Variants in SPARC observed in about 807,000 individuals in gnomAD.
SPARC encodes the protein secreted protein acidic and cysteine rich, also known as basement-membrane protein 40.
Under a neutral mutation model 37.7 loss-of-function variants are expected in SPARC, and 23 were observed. The ratio of observed to expected loss-of-function variants is 0.61; its 90% CI spans 0.44 to 0.87. The LOEUF (loss-of-function observed/expected upper bound fraction) is 0.87. SPARC is among the 40% of genes least tolerant of loss of function. The pLI, the probability that SPARC is intolerant of heterozygous loss-of-function variation, is 0.00. For synonymous variants in SPARC, 155 were observed against 150.8 expected (o/e 1.03, Z -0.20); for missense variants, 312 against 389.0 (o/e 0.80, Z 1.66).
chr5:151,663,439 A>G lies in SPARC; in HGVS notation c.*132T>C, dbSNP rs1760553262. On this transcript the variant is annotated 3_prime_UTR_variant, in exon 10 of 10. Transcript: ENST00000231061. ...AGAATTTTCATTTTTAGCACCGTTA[A>G]TGTATTCACTTAAATCTATGTTAGC... is the stretch of plus-strand genomic sequence containing the variant. 1.2e-6 allele frequency: 1 copy of G among 855,034 alleles called. No individual in the cohort carries two copies. The highest frequency in any genetic ancestry group is 1.9e-6 in the Non-Finnish European group (1 of 520,390). 53.0% of individuals were successfully genotyped at this position (855,034 alleles called of 1,614,324 possible).
intron 6 of SPARC, 150 bp from the exon 7 acceptor site, chr5:151,667,750 G>A (rs189153716): frequency 2.8e-5 from 22 of 779,272 alleles, no homozygotes; most frequent in Non-Finnish European, 4.1e-5. Flanking sequence ...ACAGGACAAT[G>A]AGCAGAGGAG....
intron 4 of SPARC, 90 bp downstream of exon 4, chr5:151,673,038 TG>T: frequency 2.3e-6 from 2 of 880,428 alleles, no homozygotes; most frequent in Middle Eastern, 2.2e-4. Context: ...GCATTTCTGC[TG>T]GAAGGAGCCT....
intron 6 of SPARC, among the ~76,000 whole-genome samples, chr5:151,668,001 G>T (rs141034055): frequency 1.4e-3 from 211 of 152,260 alleles, no homozygotes; most frequent in African/African-American, 4.8e-3. Context: ...GCAGGGAGTG[G>T]GGAGTAGAGG....
At position 151,662,359 on chromosome 5, in the gene SPARC, G is replaced by A. The variant is rs1306499629; in HGVS notation, c.*1212C>T. 1 of 152,648 alleles carries A rather than the reference G, an allele frequency of 6.6e-6. No individual in the cohort carries two copies. Among genetic ancestry groups the A allele is most frequent in the Non-Finnish European group, 1.5e-5 (1 of 68,054 alleles). 9.5% of individuals were successfully genotyped at this position (152,648 alleles called of 1,614,324 possible). A position where few individuals can be genotyped will look rare whatever the true frequency, so the allele number is the denominator to read the frequency against. ...GTTTGCATTTGTGTAGTCATGTGTAGACATGTATGCTCATGTGTTTTTGTG... is the reference window on the plus strand; with the variant it reads ...GTTTGCATTTGTGTAGTCATGTGTAAACATGTATGCTCATGTGTTTTTGTG... On this transcript the variant is annotated 3_prime_UTR_variant, in exon 10 of 10. Coordinates refer to ENST00000231061, the MANE Select transcript of SPARC (RefSeq NM_003118.4).
In SPARC at chr5:151,665,454, G is replaced by A. The variant is rs73277813; in HGVS notation, c.734+907C>T. Among the ~76,000 whole-genome samples the A allele has an allele frequency of 3.6e-3, 551 of 152,334 alleles. 7 individuals are homozygous for A. The highest frequency in any genetic ancestry group is 0.014 in the Middle Eastern group (4 of 294). Reference sequence around the variant, plus strand: ...CACTGGCAGGGTTGGCAGACTCCAGGCACACAGGCTGGACAAAGAGCGAGG... The same window carrying A: ...CACTGGCAGGGTTGGCAGACTCCAGACACACAGGCTGGACAAAGAGCGAGG... On this transcript the variant is annotated intron_variant, in intron 8 of 9. Transcript: ENST00000231061.
intron 4 of SPARC, among the ~76,000 whole-genome samples, chr5:151,672,159 G>A (rs1205545912): frequency 6.6e-6 from 1 of 152,192 alleles, no homozygotes; most frequent in African/African-American, 2.4e-5. Flanking sequence ...AAAGGGAGAA[G>A]AGCCTCAAAG....
At chr5:151,686,077 T>A (rs749345827) in intron 1 of SPARC, 2 of 152,104 alleles carry the variant, frequency 1.3e-5, no homozygotes, top group African/African-American at 4.8e-5. Flanking sequence ...TCTGAGAATA[T>A]CTCCCCCAGC....
chr5:151,666,033 C>A (rs1760611786), intron 8 of SPARC, among the ~76,000 whole-genome samples: 1 of 152,228 alleles, frequency 6.6e-6, no homozygotes, highest in Non-Finnish European at 1.5e-5. Context: ...GTGGCTGACC[C>A]AACCTTGTCC....
Position 151,671,585 on chromosome 5 carries a change from G to T in SPARC, c.318C>A (p.Gly106=), listed in dbSNP as rs1760749202. The T allele has an allele frequency of 6.3e-7, 1 of 1,577,492 alleles. No individual in the cohort carries two copies. The highest frequency in any genetic ancestry group is 8.6e-7 in the Non-Finnish European group (1 of 1,162,696). ...QDPTSCPAPI[G]EFEKVCSNDN... ...TCTCAGCCCTCACCTTCTCAAACTC[G>T]CCAATGGGGGCTGGGCAGCTGGTGG... is the stretch of plus-strand genomic sequence containing the variant. The change falls in exon 5 of 10, where the codon GGC becomes GGA. Residue 106 remains glycine (G), a synonymous_variant. Transcript: ENST00000231061.
intron 8 of SPARC, among the ~76,000 whole-genome samples, chr5:151,665,963 C>A (rs1435776361): frequency 6.6e-6 from 1 of 152,188 alleles, no homozygotes; most frequent in Non-Finnish European, 1.5e-5. Flanking sequence ...TAGGAGGGGG[C>A]TTAGACAGTG....
intron 6 of SPARC, among the ~76,000 whole-genome samples, chr5:151,668,376 C>T (rs891144883): frequency 6.6e-6 from 1 of 152,146 alleles, no homozygotes; most frequent in Non-Finnish European, 1.5e-5. Flanking sequence ...TGGTCTCGAA[C>T]TCCTGAGCTC....
Position 151,667,485 on chromosome 5 carries a change from A to G in SPARC, c.567T>C (p.Thr189=), listed in dbSNP as rs548599824. 4 of 1,614,214 alleles carry G rather than the reference A, an allele frequency of 2.5e-6. No homozygotes were observed. The highest frequency in any genetic ancestry group is 2.2e-5 in the South Asian group (2 of 91,088). Residue 189 remains threonine (T), a synonymous_variant, in exon 7 of 10, where the codon ACT becomes ACC. Transcript: ENST00000231061. ...YERDEDNNLL[T]EKQKLRVKKI... is the part of the protein sequence containing the mutation. ...CACTTACCCGCAGCTTCTGCTTCTC[A>G]GTCAGAAGGTTGTTGTCCTCATCCC...
chr5:151,669,851 G>A (rs775270928), intron 5 of SPARC, 67 bp from the exon 6 acceptor site: 126 of 1,585,326 alleles, frequency 7.9e-5, no homozygotes, highest in Non-Finnish European at 1.0e-4. Flanking sequence ...CAATATCCTT[G>A]TCCATTTCAG....
rs749133439 is a variant in SPARC, at chr5:151,667,524, G to A, written c.528C>T (p.Val176=). Residue 176 remains valine (V), a synonymous_variant, in exon 7 of 10, where the codon GTC becomes GTT. Coordinates refer to ENST00000231061, the MANE Select transcript of SPARC (RefSeq NM_003118.4). ...RMRDWLKNVL[V]TLYERDEDNN... is the part of the protein sequence containing the mutation. ...TGTCCTCATCCCTCTCATACAGGGTGACCAGGACGTTCTTGAGCCAGTCCC... is the reference window on the plus strand; with the variant it reads ...TGTCCTCATCCCTCTCATACAGGGTAACCAGGACGTTCTTGAGCCAGTCCC... The A allele has an allele frequency of 3.7e-6, 6 of 1,614,060 alleles. No individual in the cohort carries two copies. In the African/African-American group the frequency reaches 6.7e-5, roughly 18 times the overall value.
At chr5:151,668,846 C>G (rs1033611696) in intron 6 of SPARC, among the ~76,000 whole-genome samples, 2 of 152,162 alleles carry the variant, frequency 1.3e-5, no homozygotes, top group East Asian at 3.8e-4. Context: ...TGGGGTCCCA[C>G]GAGGAGAACT....
chr5:151,670,164 G>T (rs1332344668), intron 5 of SPARC, among the ~76,000 whole-genome samples: 2 of 152,258 alleles, frequency 1.3e-5, no homozygotes, highest in African/African-American at 4.8e-5. Flanking sequence ...AGGCCTGCTT[G>T]TAAGGTCAGC....
intron 1 of SPARC, among the ~76,000 whole-genome samples, chr5:151,682,660 C>T (rs1211631502): frequency 6.6e-6 from 1 of 152,178 alleles, no homozygotes; most frequent in Admixed American, 6.5e-5. Context: ...TGTGCTGCCT[C>T]TTATTGTAGA....
intron 1 of SPARC, among the ~76,000 whole-genome samples, chr5:151,682,647 C>G (rs1761022552): frequency 6.6e-6 from 1 of 152,210 alleles, no homozygotes; most frequent in African/African-American, 2.4e-5. Context: ...CATGAAACCT[C>G]TGTGTGCTGC....
Position 151,669,711 on chromosome 5 carries a change from G to T in SPARC, c.404C>A (p.Thr135Asn), listed in dbSNP as rs778818049. ...FFATKCTLEG[T>N]KKGHKLHLDY... ...CAGGTGGAGCTTGTGGCCCTTCTTG[G>T]TGCCCTCCAGGGTGCACTTTGTGGC... The change falls in exon 6 of 10, where the codon ACC becomes AAC. Residue 135 changes from threonine (T) to asparagine (N), a missense_variant. Coordinates refer to ENST00000231061, the MANE Select transcript of SPARC (RefSeq NM_003118.4). 1 of 1,614,186 alleles carries T rather than the reference G, an allele frequency of 6.2e-7. No individual in the cohort carries two copies. The highest frequency in any genetic ancestry group is 8.5e-7 in the Non-Finnish European group (1 of 1,180,028).
Sources: allele counts gnomAD v4.1 joint callset (sites outside exome capture counted in the v4.1 genomes callset), GRCh38; gene constraint gnomAD v4.1.1; transcripts MANE v1.5; gene names NCBI Gene and HGNC (gene_info 2026-07-23, HGNC 2026-07-21).